The following ADAM23 variants were observed in gnomAD, a reference collection of about 807,000 sequenced individuals.
ADAM23 encodes the protein disintegrin and metalloproteinase domain-containing protein 23.
In ADAM23, 33 loss-of-function variants were observed where a neutral mutation model predicts 120.1. That is an observed-to-expected ratio of 0.27 (90% CI 0.21 to 0.37). The LOEUF (loss-of-function observed/expected upper bound fraction) is 0.37. ADAM23 is among the 10% of genes least tolerant of loss of function. ADAM23 has a pLI of 1.00. For synonymous variants in ADAM23, 367 were observed against 375.2 expected (o/e 0.98, Z 0.25); for missense variants, 862 against 1,058.2 (o/e 0.81, Z 2.57).
intron 25 of ADAM23, among the ~76,000 whole-genome samples, chr2:206,612,857 A>T (rs1034887914): frequency 6.6e-6 from 1 of 152,244 alleles, no homozygotes; most frequent in African/African-American, 2.4e-5. Context: ...CAAGATTATT[A>T]TAATCTGAAA....
intron 2 of ADAM23, among the ~76,000 whole-genome samples, chr2:206,470,914 A>G (rs1303845003): frequency 2.6e-5 from 4 of 152,242 alleles, no homozygotes; most frequent in Non-Finnish European, 5.9e-5. Flanking sequence ...CAAGGAAAGC[A>G]AAGACCACTT....
intron 15 of ADAM23, among the ~76,000 whole-genome samples, chr2:206,568,049 G>A (rs1697925626): frequency 6.6e-6 from 1 of 152,154 alleles, no homozygotes; most frequent in South Asian, 2.1e-4. Context: ...ACAGTGGAGA[G>A]TAGAACTCAA....
In ADAM23 at chr2:206,564,980, T is replaced by G. The variant is rs371192598; in HGVS notation, c.1346-40T>G. Reference sequence around the variant, plus strand: ...AAAAAAATATGTGACTTTCTTTGTTTCCTTTTTCTTCTGTTGCTTTTATTG... The same window carrying G: ...AAAAAAATATGTGACTTTCTTTGTTGCCTTTTTCTTCTGTTGCTTTTATTG... On this transcript the variant is annotated intron_variant, in intron 13 of 25. Transcript: ENST00000264377. 1.7e-4 allele frequency: 280 copies of G among 1,609,342 alleles called. 1 individual carries two copies. The African/African-American group carries it at 3.3e-3, about 19-fold the overall frequency.
intron 9 of ADAM23, among the ~76,000 whole-genome samples, chr2:206,553,169 G>A (rs948991838): frequency 6.6e-6 from 1 of 152,142 alleles, no homozygotes; most frequent in African/African-American, 2.4e-5. Context: ...CTTGAGGTAA[G>A]GAGTTCGAGA....
chr2:206,574,008 C>T (rs1375880136), intron 18 of ADAM23, among the ~76,000 whole-genome samples: 1 of 151,918 alleles, frequency 6.6e-6, no homozygotes, highest in Non-Finnish European at 1.5e-5. Flanking sequence ...GCGGTTTTTG[C>T]CATTGCTTTT....
At chr2:206,551,367 T>C (rs1697522084) in intron 9 of ADAM23, among the ~76,000 whole-genome samples, 1 of 152,220 alleles carries the variant, frequency 6.6e-6, no homozygotes, top group African/African-American at 2.4e-5. Context: ...TTTAGGCCAA[T>C]TGTAATCTCT....
In ADAM23 at chr2:206,523,159, A is replaced by G. The variant is rs549830743; in HGVS notation, c.510-7726A>G. On this transcript the variant is annotated intron_variant, in intron 3 of 25. Coordinates refer to ENST00000264377, the MANE Select transcript of ADAM23 (RefSeq NM_003812.4). ...CTACAATTAGCTTGCAGGCCTGCCT[A>G]TGTTTCCTGTCCTCATTATACTAGG... 4.5e-4 allele frequency among the ~76,000 whole-genome samples: 68 copies of G among 152,214 alleles called. 1 individual carries two copies. The highest frequency in any genetic ancestry group is 1.3e-3 in the African/African-American group (52 of 41,524).
At chr2:206,456,031 T>C (rs545053068) in intron 2 of ADAM23, among the ~76,000 whole-genome samples, 63 of 152,332 alleles carry the variant, frequency 4.1e-4, no homozygotes, top group Non-Finnish European at 7.3e-4. Context: ...TTTATAACAA[T>C]GTTCCACTCC....
chr2:206,553,431 G>A (rs769455267), intron 9 of ADAM23, among the ~76,000 whole-genome samples: 4 of 151,982 alleles, frequency 2.6e-5, no homozygotes, highest in Non-Finnish European at 4.4e-5. Flanking sequence ...GTGAGACTCC[G>A]TCTCAAAAAA....
In ADAM23 at chr2:206,619,564, C is replaced by T. The variant is rs1574571411; in HGVS notation, c.*1937C>T. 2.0e-5 allele frequency: 3 copies of T among 151,056 alleles called. No homozygotes were observed. The highest frequency in any genetic ancestry group is 2.0e-4 in the Admixed American group (3 of 15,132). 9.4% of individuals were successfully genotyped at this position (151,056 alleles called of 1,614,324 possible). A position where few individuals can be genotyped will look rare whatever the true frequency, so the allele number is the denominator to read the frequency against. Reference sequence around the variant, plus strand: ...CATGCAGTTTTACTCATCACTTCTTCATGACACCAAATCCATTGCTAGGTT... The same window carrying T: ...CATGCAGTTTTACTCATCACTTCTTTATGACACCAAATCCATTGCTAGGTT... On this transcript the variant is annotated 3_prime_UTR_variant, in exon 26 of 26. Transcript: ENST00000264377.
At position 206,571,682 on chromosome 2, in the gene ADAM23, A is replaced by T. The variant is rs763709330; in HGVS notation, c.1567-45A>T. 3.5e-6 allele frequency: 5 copies of T among 1,423,214 alleles called. No homozygotes were observed. In the East Asian group the frequency reaches 1.1e-4, roughly 32 times the overall value. The allele number at this position is 1,423,214 out of a possible 1,614,324, so 88.2% of individuals were successfully genotyped here. On this transcript the variant is annotated intron_variant, in intron 16 of 25. Coordinates refer to ENST00000264377, the MANE Select transcript of ADAM23 (RefSeq NM_003812.4). ...ACGTGTGGAGAGAATATGAATGACC[A>T]GCAGGTAAGGCTCTTCGCTTACTCA...
intron 2 of ADAM23, among the ~76,000 whole-genome samples, chr2:206,459,104 C>T (rs1188630114): frequency 6.6e-6 from 1 of 152,166 alleles, no homozygotes; most frequent in African/African-American, 2.4e-5. Flanking sequence ...AGTTAGTAAA[C>T]TTGGTAATTA....
chr2:206,573,826 T>C (rs1344017642), intron 18 of ADAM23, among the ~76,000 whole-genome samples: 1 of 152,004 alleles, frequency 6.6e-6, no homozygotes, highest in African/African-American at 2.4e-5. Flanking sequence ...TTTTTTTTTT[T>C]TTAAGAAACA....
chr2:206,557,385 C>T (rs1205563753), intron 9 of ADAM23, 42 bp from the exon 10 acceptor site: 2 of 1,438,718 alleles, frequency 1.4e-6, no homozygotes, highest in African/African-American at 2.8e-5. Flanking sequence ...ATTTATTATT[C>T]ACTTATGATT....
At chr2:206,547,285 A>T in intron 6 of ADAM23, 144 bp from the exon 7 acceptor site, 2 of 561,634 alleles carry the variant, frequency 3.6e-6, no homozygotes, top group Non-Finnish European at 6.1e-6. Context: ...TTTCAATAAG[A>T]CATACTTTTC....
chr2:206,578,018 G>C (rs1447876090), intron 18 of ADAM23, among the ~76,000 whole-genome samples: 7 of 152,066 alleles, frequency 4.6e-5, no homozygotes, highest in Non-Finnish European at 8.8e-5. Flanking sequence ...GGCCAGTGAT[G>C]ATGAGCATTT....
intron 21 of ADAM23, among the ~76,000 whole-genome samples, chr2:206,590,285 A>G (rs1698401850): frequency 6.6e-6 from 1 of 152,066 alleles, no homozygotes; most frequent in Admixed American, 6.6e-5. Flanking sequence ...TTTAGTAGAG[A>G]TAGGGTTTCA....
In ADAM23 at chr2:206,577,886, A is replaced by C. The variant is rs544268198; in HGVS notation, c.1737+4691A>C. ...TAGTTTACAGTCCCACCAACAGTGT[A>C]AAAGTGTTCCTATTTCTCCACATCC... is the stretch of plus-strand genomic sequence containing the variant. On this transcript the variant is annotated intron_variant, in intron 18 of 25. Transcript: ENST00000264377. Among the ~76,000 whole-genome samples the C allele has an allele frequency of 2.0e-4, 30 of 151,520 alleles. No homozygotes were observed. In the East Asian group the frequency reaches 3.5e-3, roughly 18 times the overall value.
intron 9 of ADAM23, among the ~76,000 whole-genome samples, chr2:206,550,761 C>T (rs1697506511): frequency 6.6e-6 from 1 of 152,092 alleles, no homozygotes; most frequent in Non-Finnish European, 1.5e-5. Context: ...GCCACTACGC[C>T]CGGCTAATTT....
Sources: gnomAD v4.1 joint callset for allele counts (sites outside exome capture counted in the v4.1 genomes callset) on GRCh38, gnomAD v4.1.1 for gene constraint, MANE v1.5 for transcripts, NCBI Gene and HGNC (gene_info 2026-07-23, HGNC 2026-07-21) for gene names.